Variants in OPCML observed in about 807,000 individuals in gnomAD.
OPCML encodes the protein opioid binding protein/cell adhesion molecule like, also known as opioid-binding protein/cell adhesion molecule.
OPCML carries 13 observed loss-of-function variants against 37.8 expected under a neutral mutation model. The observed-to-expected ratio is 0.34, with a 90% CI of 0.22 to 0.55. The LOEUF is 0.55. Ranked by LOEUF, OPCML falls within the 20% of genes least tolerant of loss-of-function variation. The pLI is 0.91. For synonymous variants in OPCML, 176 were observed against 168.8 expected, an observed-to-expected ratio of 1.04 and a Z score of -0.33; for missense variants, 341 against 435.6, an observed-to-expected ratio of 0.78 and a Z score of 1.93.
intron 1 of OPCML, among the ~76,000 whole-genome samples, chr11:133,457,704 A>C (rs903096366): frequency 4.6e-5 from 7 of 152,182 alleles, no homozygotes; most frequent in African/African-American, 1.7e-4. Flanking sequence ...TCTACATAGC[A>C]AAACTGTTAT....
At chr11:132,945,667 G>T (rs1346930935) in intron 1 of OPCML, among the ~76,000 whole-genome samples, 2 of 151,864 alleles carry the variant, frequency 1.3e-5, no homozygotes, top group Non-Finnish European at 2.9e-5. Context: ...TATACACTTT[G>T]AATTATTTTA....
chr11:132,686,886 A>C (rs1943183090), intron 2 of OPCML, among the ~76,000 whole-genome samples: 1 of 152,166 alleles, frequency 6.6e-6, no homozygotes, highest in Non-Finnish European at 1.5e-5. Flanking sequence ...GATATCAAAG[A>C]GAAAAGGCCG....
At chr11:132,579,346 G>A (rs933880727) in intron 3 of OPCML, among the ~76,000 whole-genome samples, 3 of 151,742 alleles carry the variant, frequency 2.0e-5, no homozygotes, top group Non-Finnish European at 4.4e-5. Context: ...CAAGGAGACA[G>A]GCCTGTCAAA....
At chr11:132,431,190 T>C (rs533683615) in intron 7 of OPCML, among the ~76,000 whole-genome samples, 1 of 152,378 alleles carries the variant, frequency 6.6e-6, no homozygotes, top group Non-Finnish European at 1.5e-5. Context: ...ATGGTTATGG[T>C]TGATAGCTTT....
At chr11:132,545,541 T>C (rs2096366841) in intron 3 of OPCML, among the ~76,000 whole-genome samples, 1 of 152,226 alleles carries the variant, frequency 6.6e-6, no homozygotes, top group African/African-American at 2.4e-5. Context: ...CAAACACCAA[T>C]CTACTTTCAA....
chr11:132,710,049 A>G (rs1281215313), intron 2 of OPCML, among the ~76,000 whole-genome samples: 1 of 152,220 alleles, frequency 6.6e-6, no homozygotes, highest in Non-Finnish European at 1.5e-5. Context: ...TTCCCCATTT[A>G]TAATCTAAGT....
chr11:133,160,074 T>C (rs1453822312), intron 1 of OPCML, among the ~76,000 whole-genome samples: 3 of 152,260 alleles, frequency 2.0e-5, no homozygotes, highest in African/African-American at 4.8e-5. Context: ...GAAAGGATTA[T>C]GTGCTCTATT....
intron 1 of OPCML, among the ~76,000 whole-genome samples, chr11:133,256,655 CTG>C (rs1313353102): frequency 3.9e-5 from 6 of 152,128 alleles, no homozygotes; most frequent in Admixed American, 3.9e-4. Flanking sequence ...CTAAGAGGTT[CTG>C]TGTTCTTTTT....
At chr11:132,868,754 TG>T (rs1466519062) in intron 2 of OPCML, among the ~76,000 whole-genome samples, 4 of 152,116 alleles carry the variant, frequency 2.6e-5, no homozygotes, top group Non-Finnish European at 5.9e-5. Context: ...GCCAGGATGA[TG>T]GGCCAGAGGA....
chr11:133,162,695 G>A (rs568114782), intron 1 of OPCML, among the ~76,000 whole-genome samples: 2 of 152,038 alleles, frequency 1.3e-5, no homozygotes, highest in Admixed American at 6.6e-5. Flanking sequence ...GAAAGGAAAA[G>A]GGTCCCTGTT....
chr11:133,018,034 G>A (rs1947370621), intron 1 of OPCML, among the ~76,000 whole-genome samples: 1 of 152,206 alleles, frequency 6.6e-6, no homozygotes, highest in South Asian at 2.1e-4. Flanking sequence ...CAGCCACTGC[G>A]AGAGGGCTGT....
chr11:132,560,864 T>C (rs2137502215), intron 3 of OPCML, among the ~76,000 whole-genome samples: 1 of 152,274 alleles, frequency 6.6e-6, no homozygotes, highest in African/African-American at 2.4e-5. Context: ...ACTCTGTGGG[T>C]TGTCTGTTAA....
At chr11:132,687,565 A>G (rs1020604305) in intron 2 of OPCML, among the ~76,000 whole-genome samples, 5 of 151,480 alleles carry the variant, frequency 3.3e-5, no homozygotes, top group Non-Finnish European at 4.4e-5. Context: ...ATATCTTTCT[A>G]TTATATTCTT....
At chr11:132,786,240 A>T (rs558075637) in intron 2 of OPCML, among the ~76,000 whole-genome samples, 1 of 152,246 alleles carries the variant, frequency 6.6e-6, no homozygotes, top group African/African-American at 2.4e-5. Context: ...AATACCGTTC[A>T]TTAACTTTAG....
chr11:132,503,045 C>A (rs1372519666), intron 4 of OPCML, among the ~76,000 whole-genome samples: 2 of 152,098 alleles, frequency 1.3e-5, no homozygotes, highest in Admixed American at 1.3e-4. Context: ...ATTCAAGGTC[C>A]CCTGGCAGCA....
rs1939627246 is a variant in OPCML at position 133,217,318 on chromosome 11, C to T, written c.62-274308G>A. Among the ~76,000 whole-genome samples, 6 of 152,196 alleles carry T rather than the reference C, an allele frequency of 3.9e-5. No individual in the cohort carries two copies. In the South Asian group the frequency reaches 1.2e-3, roughly 31 times the overall value. On this transcript the variant is annotated intron_variant, in intron 1 of 7. Transcript: ENST00000524381. The stretch of plus-strand genomic sequence containing the variant: ...TTTGTAAATTACTCATCATTCTCAC[C>T]CGTTCCCATGGGCAGAATTGGGGTC...
chr11:132,808,634 G>A (rs998892758), intron 2 of OPCML, among the ~76,000 whole-genome samples: 1 of 152,094 alleles, frequency 6.6e-6, no homozygotes, highest in Admixed American at 6.5e-5. Context: ...ACTGTGAGCG[G>A]GTATGACTGT....
intron 1 of OPCML, among the ~76,000 whole-genome samples, chr11:133,064,476 A>G (rs1948405950): frequency 3.3e-5 from 5 of 152,178 alleles, no homozygotes; most frequent in Admixed American, 3.3e-4. Flanking sequence ...CAAATGGGAG[A>G]AGGGACGGCC....
chr11:132,723,868 T>A (rs947330770), intron 2 of OPCML, among the ~76,000 whole-genome samples: 1 of 152,090 alleles, frequency 6.6e-6, no homozygotes, highest in Non-Finnish European at 1.5e-5. Flanking sequence ...AAATGAAAAA[T>A]CCCTTGGCTA....
Sources: gnomAD v4.1 joint callset for allele counts (sites outside exome capture counted in the v4.1 genomes callset) on GRCh38, gnomAD v4.1.1 for gene constraint, MANE v1.5 for transcripts, NCBI Gene and HGNC (gene_info 2026-07-23, HGNC 2026-07-21) for gene names.